CASD1: variants seen among roughly 807,000 people sequenced by gnomAD.
CASD1 encodes the protein N-acetylneuraminate (7)9-O-acetyltransferase.
In CASD1, 41 loss-of-function variants were observed where a neutral mutation model predicts 100.0. That is an observed-to-expected ratio of 0.41 (90% CI 0.32 to 0.53). CASD1 has a LOEUF of 0.53. Ranked by LOEUF, CASD1 falls within the 20% of genes least tolerant of loss-of-function variation. The pLI, the probability that CASD1 is intolerant of heterozygous loss-of-function variation, is 0.25. For synonymous variants in CASD1, 321 were observed against 315.6 expected (o/e 1.02, Z -0.18); for missense variants, 774 against 948.7 (o/e 0.82, Z 2.42).
At chr7:94,560,174 T>G (rs1796317496), downstream of CASD1, among the ~76,000 whole-genome samples, 1 of 152,222 alleles carries the variant, frequency 6.6e-6, no homozygotes, top group African/African-American at 2.4e-5. Flanking sequence ...GAATATGCCT[T>G]CCTTCATAAG....
downstream of CASD1, among the ~76,000 whole-genome samples, chr7:94,560,551 G>A (rs1420356399): frequency 6.6e-6 from 1 of 152,192 alleles, no homozygotes; most frequent in Non-Finnish European, 1.5e-5. Flanking sequence ...AGAGTAACGG[G>A]AGAAGTGGGA....
the CASD1 span, among the ~76,000 whole-genome samples, chr7:94,632,018 G>A: frequency 8.6e-5 from 13 of 152,000 alleles, no homozygotes; most frequent in Admixed American, 6.6e-5. Context: ...TGGAATGGAT[G>A]AGTACATTCT....
the CASD1 span, among the ~76,000 whole-genome samples, chr7:94,593,627 T>G: frequency 6.6e-6 from 1 of 152,014 alleles, no homozygotes; most frequent in Non-Finnish European, 1.5e-5. Flanking sequence ...GTTTTCTGAT[T>G]AGCTCTCATC....
At chr7:94,519,168 A>G (rs1227829284) in intron 3 of CASD1, among the ~76,000 whole-genome samples, 1 of 152,194 alleles carries the variant, frequency 6.6e-6, no homozygotes, top group Non-Finnish European at 1.5e-5. Context: ...TATAACTTTG[A>G]AAACTAACAA....
chr7:94,535,275 A>T (rs1405987813), intron 7 of CASD1, 34 bp from the exon 8 acceptor site: 1 of 1,510,188 alleles, frequency 6.6e-7, no homozygotes, highest in Admixed American at 1.7e-5. Context: ...AGGGATTTTT[A>T]AAATGTGTTT....
the CASD1 span, chr7:94,618,202 T>TA: frequency 1.3e-5 from 2 of 153,246 alleles, no homozygotes; most frequent in African/African-American, 4.8e-5. Flanking sequence ...AGGGAGAACA[T>TA]ATCCCCACAG....
the CASD1 span, chr7:94,585,254 G>T: frequency 2.2e-6 from 1 of 445,278 alleles, no homozygotes. Context: ...TTATTTTAAA[G>T]ATCAACTTTT....
At chr7:94,582,187 A>G in the CASD1 span, among the ~76,000 whole-genome samples, 1 of 152,170 alleles carries the variant, frequency 6.6e-6, no homozygotes, top group Admixed American at 6.5e-5. Context: ...GCACGATCTC[A>G]GCTCACTGCA....
intron 10 of CASD1, among the ~76,000 whole-genome samples, chr7:94,542,019 C>T (rs548630604): frequency 6.6e-6 from 1 of 152,116 alleles, no homozygotes; most frequent in African/African-American, 2.4e-5. Context: ...TTGCAATAGG[C>T]CAACATTGGC....
the CASD1 span, among the ~76,000 whole-genome samples, chr7:94,605,282 A>G: frequency 6.6e-6 from 1 of 150,944 alleles, no homozygotes; most frequent in African/African-American, 2.4e-5. Context: ...AAATGTTAAA[A>G]TAACTTCTTT....
the CASD1 span, among the ~76,000 whole-genome samples, chr7:94,576,781 G>C: frequency 3.9e-5 from 6 of 152,252 alleles, no homozygotes; most frequent in Non-Finnish European, 1.5e-5. Flanking sequence ...ATTTCTCCTG[G>C]ACTTAATCCA....
At chr7:94,533,283 T>A (rs994306407) in intron 6 of CASD1, 34 bp downstream of exon 6, 3 of 1,562,022 alleles carry the variant, frequency 1.9e-6, no homozygotes, top group Non-Finnish European at 2.6e-6. Flanking sequence ...CTTAATGATT[T>A]TGTTTCACGT....
the CASD1 span, chr7:94,599,662 A>G: frequency 1.9e-6 from 3 of 1,597,696 alleles, no homozygotes; most frequent in Non-Finnish European, 2.6e-6. Context: ...GTGGGAAAAA[A>G]TGATGAAGAA....
chr7:94,556,619 G>A lies in CASD1; in HGVS notation c.*861G>A, dbSNP rs1796215091. 1 of 151,798 alleles carries A rather than the reference G, an allele frequency of 6.6e-6. No individual in the cohort carries two copies. The highest frequency in any genetic ancestry group is 2.1e-4 in the South Asian group (1 of 4,800). The allele number at this position is 151,798 out of a possible 1,614,324, so 9.4% of individuals were successfully genotyped here. On this transcript the variant is annotated 3_prime_UTR_variant, in exon 18 of 18. Coordinates refer to ENST00000297273, the MANE Select transcript of CASD1 (RefSeq NM_022900.5). ...TTGGAAAGCTCTTTATAGCCATTTG[G>A]TATTTCCTATTACCCACCTCCTATT... is the stretch of plus-strand genomic sequence containing the variant.
intron 11 of CASD1, among the ~76,000 whole-genome samples, chr7:94,545,292 C>G (rs1482526337): frequency 6.6e-6 from 1 of 151,956 alleles, no homozygotes; most frequent in Non-Finnish European, 1.5e-5. Context: ...GCAGTTATAG[C>G]CAGAGGACAG....
the CASD1 span, chr7:94,619,497 T>C: frequency 6.6e-6 from 1 of 152,364 alleles, no homozygotes; most frequent in Admixed American, 6.5e-5. Flanking sequence ...AAATATTTCA[T>C]GATTAACATC....
chr7:94,577,294 A>G, the CASD1 span, among the ~76,000 whole-genome samples: 1 of 152,046 alleles, frequency 6.6e-6, no homozygotes, highest in African/African-American at 2.4e-5. Flanking sequence ...TATCCTCCCC[A>G]CTTCTGCTCC....
At chr7:94,590,536 A>T in the CASD1 span, 1 of 152,210 alleles carries the variant, frequency 6.6e-6, no homozygotes, top group African/African-American at 2.4e-5. Context: ...AAATTAGTTT[A>T]TGAAAATGTA....
chr7:94,573,031 A>G, the CASD1 span, among the ~76,000 whole-genome samples: 1 of 152,148 alleles, frequency 6.6e-6, no homozygotes, highest in East Asian at 1.9e-4. Flanking sequence ...TGAAGATCAG[A>G]TGGTCATAGG....
Sources: allele counts gnomAD v4.1 joint callset (sites outside exome capture counted in the v4.1 genomes callset), GRCh38; gene constraint gnomAD v4.1.1; transcripts MANE v1.5; gene names NCBI Gene and HGNC (gene_info 2026-07-23, HGNC 2026-07-21).